Variants in STK33 observed in about 807,000 individuals in gnomAD.
STK33 encodes the protein serine/threonine kinase 33, also known as serine/threonine-protein kinase 33.
A neutral mutation model predicts 58.0 loss-of-function variants in STK33; 52 were observed. That is an observed-to-expected ratio of 0.90 (90% CI 0.72 to 1.13). STK33 has a LOEUF of 1.13. Ranked by LOEUF, STK33 falls within the 50% of genes most tolerant of loss-of-function variation. The pLI, the probability that STK33 is intolerant of heterozygous loss-of-function variation, is 0.00. For synonymous variants in STK33, 215 were observed against 200.1 expected (o/e 1.07, Z -0.63); for missense variants, 630 against 604.2 (o/e 1.04, Z -0.45).
the STK33 span, among the ~76,000 whole-genome samples, chr11:8,376,390 C>T: frequency 3.3e-5 from 5 of 152,088 alleles, no homozygotes; most frequent in South Asian, 1.0e-3. Flanking sequence ...ATACCATTAG[C>T]CAAAGCCAGG....
chr11:8,524,302 G>C (rs1591624563), intron 1 of STK33, among the ~76,000 whole-genome samples: 1 of 150,978 alleles, frequency 6.6e-6, no homozygotes, highest in Admixed American at 6.6e-5. Flanking sequence ...AAACACCCAA[G>C]AACGATCAAT....
intron 1 of STK33, among the ~76,000 whole-genome samples, chr11:8,522,467 C>A (rs543570906): frequency 1.0e-3 from 140 of 134,952 alleles, no homozygotes; most frequent in African/African-American, 4.0e-3. Context: ...CACACTGGGG[C>A]CAAAAAAAAA....
the STK33 span, among the ~76,000 whole-genome samples, chr11:8,337,712 G>T: frequency 6.6e-6 from 1 of 150,980 alleles, no homozygotes; most frequent in Non-Finnish European, 1.5e-5. Context: ...CTCGTCTACC[G>T]CTCCCCCGCC....
At chr11:8,562,866 C>G (rs1957208146) in intron 1 of STK33, among the ~76,000 whole-genome samples, 1 of 152,164 alleles carries the variant, frequency 6.6e-6, no homozygotes, top group African/African-American at 2.4e-5. Flanking sequence ...AGTTCCTACC[C>G]TCTTGGAGCT....
At chr11:8,431,073 G>T (rs891331850) in intron 14 of STK33, among the ~76,000 whole-genome samples, 10 of 151,922 alleles carry the variant, frequency 6.6e-5, no homozygotes, top group Non-Finnish European at 1.3e-4. Flanking sequence ...CACCATATTG[G>T]CCAGGCTGAT....
chr11:8,368,237 G>T, the STK33 span, among the ~76,000 whole-genome samples: 3 of 152,174 alleles, frequency 2.0e-5, no homozygotes, highest in Non-Finnish European at 4.4e-5. Flanking sequence ...GACTCCCTGG[G>T]AAATGGGAGA....
intron 1 of STK33, among the ~76,000 whole-genome samples, chr11:8,519,748 A>G (rs1481477321): frequency 1.3e-5 from 2 of 152,212 alleles, no homozygotes; most frequent in African/African-American, 2.4e-5. Flanking sequence ...TCTAGACGAA[A>G]TGGATAAATT....
rs1477070689 is a variant in STK33 at position 8,468,253 on chromosome 11, T to C, written c.340-3431A>G. 3.3e-5 allele frequency among the ~76,000 whole-genome samples: 5 copies of C among 152,236 alleles called. 1 individual carries two copies. In the South Asian group the frequency reaches 8.3e-4, roughly 25 times the overall value. On this transcript the variant is annotated intron_variant, in intron 6 of 15. Transcript: ENST00000687296. ...ATCCTATGAGATCCAGTCACTATCA[T>C]GAGAACATGAGAAAAACCTGCCCCC...
chr11:8,488,488 G>A (rs942749898), intron 1 of STK33, among the ~76,000 whole-genome samples: 7 of 152,040 alleles, frequency 4.6e-5, no homozygotes, highest in African/African-American at 1.7e-4. Context: ...GCTAAGGTAA[G>A]TTGTCAACCA....
At chr11:8,573,811 C>T (rs1457646783) in intron 1 of STK33, among the ~76,000 whole-genome samples, 3 of 152,098 alleles carry the variant, frequency 2.0e-5, no homozygotes, top group Admixed American at 2.0e-4. Flanking sequence ...GTGAAAAAAG[C>T]CAATCTCAAA....
intron 12 of STK33, among the ~76,000 whole-genome samples, chr11:8,439,715 C>T (rs1048501250): frequency 1.5e-4 from 23 of 151,562 alleles, no homozygotes; most frequent in Non-Finnish European, 3.1e-4. Context: ...CACAGGAATA[C>T]ATATCCAGCC....
rs1393457517 is a variant in STK33 at position 8,398,347 on chromosome 11, T to C, written c.1345-5637A>G. On this transcript the variant is annotated intron_variant, in intron 15 of 15. Transcript: ENST00000687296. ...AAAGAATTTTCAACCCACAATTTCA[T>C]ATCCAGCCAAACTAAGTTTCATAAG... Among the ~76,000 whole-genome samples, 4 of 152,302 alleles carry C rather than the reference T, an allele frequency of 2.6e-5. No individual in the cohort carries two copies. The East Asian group carries it at 7.7e-4, about 29-fold the overall frequency.
At chr11:8,422,465 AT>A (rs1942065395) in intron 14 of STK33, among the ~76,000 whole-genome samples, 1 of 152,146 alleles carries the variant, frequency 6.6e-6, no homozygotes, top group Non-Finnish European at 1.5e-5. Context: ...TTTAGAAGGT[AT>A]AGTCTTAGGA....
intron 1 of STK33, among the ~76,000 whole-genome samples, chr11:8,505,161 T>C (rs1951782255): frequency 6.6e-6 from 1 of 152,272 alleles, no homozygotes; most frequent in South Asian, 2.1e-4. Flanking sequence ...TCCTCTGGAA[T>C]AGCCTATTGG....
the STK33 span, among the ~76,000 whole-genome samples, chr11:8,371,807 C>T: frequency 2.9e-5 from 4 of 139,990 alleles, no homozygotes; most frequent in Admixed American, 2.2e-4. Context: ...CCCTCTCTCT[C>T]TCCCTCCCTT....
intron 15 of STK33, among the ~76,000 whole-genome samples, chr11:8,407,356 A>T (rs79326892): frequency 0.043 from 6,545 of 152,166 alleles, 171 homozygotes; most frequent in East Asian, 0.08. Flanking sequence ...TATAAGGCAA[A>T]CATGCCTTAT....
intron 1 of STK33, among the ~76,000 whole-genome samples, chr11:8,518,571 T>C (rs1275936700): frequency 1.3e-5 from 2 of 152,198 alleles, no homozygotes; most frequent in Non-Finnish European, 2.9e-5. Flanking sequence ...TCAAGATCCA[T>C]CAGTGTGCTG....
At chr11:8,415,915 T>C (rs753730889) in intron 14 of STK33, among the ~76,000 whole-genome samples, 41 of 152,298 alleles carry the variant, frequency 2.7e-4, no homozygotes, top group Admixed American at 2.2e-3. Flanking sequence ...TCAGTCAACA[T>C]GGTATATGAA....
intron 1 of STK33, among the ~76,000 whole-genome samples, chr11:8,491,260 G>C (rs930261899): frequency 2.0e-5 from 3 of 152,168 alleles, no homozygotes; most frequent in Admixed American, 6.5e-5. Flanking sequence ...TGACCTGATG[G>C]AGCTGAAAAC....
Sources: gnomAD v4.1 joint callset for allele counts (sites outside exome capture counted in the v4.1 genomes callset) on GRCh38, gnomAD v4.1.1 for gene constraint, MANE v1.5 for transcripts, NCBI Gene and HGNC (gene_info 2026-07-23, HGNC 2026-07-21) for gene names.